The following ATP8A2 variants were observed in gnomAD, a reference collection of about 807,000 sequenced individuals.
ATP8A2 encodes the protein ATPase phospholipid transporting 8A2.
A neutral mutation model predicts 165.6 loss-of-function variants in ATP8A2; 100 were observed. The ratio of observed to expected loss-of-function variants is 0.60; its 90% CI spans 0.51 to 0.71. The LOEUF is 0.71. Ranked by LOEUF, ATP8A2 falls within the 30% of genes least tolerant of loss-of-function variation. The pLI, the probability that ATP8A2 is intolerant of heterozygous loss-of-function variation, is 0.00. For missense variants in ATP8A2, 1,227 were observed against 1,479.5 expected (o/e 0.83, Z 2.80); for synonymous variants, 543 against 548.8 (o/e 0.99, Z 0.15).
At chr13:25,634,970 A>T (rs888434475) in intron 24 of ATP8A2, among the ~76,000 whole-genome samples, 1 of 152,144 alleles carries the variant, frequency 6.6e-6, no homozygotes, top group African/African-American at 2.4e-5. Context: ...AAGCTGCAAA[A>T]TATCTCCTGA....
intron 13 of ATP8A2, among the ~76,000 whole-genome samples, chr13:25,555,530 C>G (rs192438509): frequency 2.8e-4 from 42 of 152,294 alleles, no homozygotes; most frequent in Admixed American, 5.9e-4. Context: ...CTGAACTCCT[C>G]TTGCCTTTAC....
At chr13:25,641,506 T>C (rs1401271847) in intron 24 of ATP8A2, among the ~76,000 whole-genome samples, 2 of 152,204 alleles carry the variant, frequency 1.3e-5, no homozygotes, top group African/African-American at 4.8e-5. Context: ...CCATTCACAA[T>C]TGCTTCAAAG....
At chr13:25,896,472 A>G (rs1953550737) in intron 33 of ATP8A2, among the ~76,000 whole-genome samples, 1 of 151,988 alleles carries the variant, frequency 6.6e-6, no homozygotes, top group Non-Finnish European at 1.5e-5. Flanking sequence ...CAATTTTGGA[A>G]TAAGTGTAAT....
chr13:25,863,487 G>C (rs1026175462), intron 33 of ATP8A2: 1 of 152,312 alleles, frequency 6.6e-6, no homozygotes, highest in Non-Finnish European at 1.5e-5. Context: ...CAGGATGCTT[G>C]TGCAGGGGCA....
chr13:25,536,851 G>C (rs2038301827), intron 6 of ATP8A2, among the ~76,000 whole-genome samples: 1 of 152,184 alleles, frequency 6.6e-6, no homozygotes, highest in African/African-American at 2.4e-5. Context: ...ATATGGACCT[G>C]TTTTATGCCA....
At chr13:25,454,722 G>C (rs1593330261) in intron 1 of ATP8A2, among the ~76,000 whole-genome samples, 2 of 152,168 alleles carry the variant, frequency 1.3e-5, no homozygotes, top group African/African-American at 4.8e-5. Flanking sequence ...ATGAGATCGA[G>C]ACCAGCCTGA....
intron 23 of ATP8A2, 95 bp downstream of exon 23, chr13:25,582,052 A>G: frequency 8.1e-7 from 1 of 1,236,810 alleles, no homozygotes; most frequent in African/African-American, 1.5e-5. Context: ...AAATTCATTG[A>G]CAGATGATGT....
intron 1 of ATP8A2, among the ~76,000 whole-genome samples, chr13:25,399,724 C>T (rs2033565407): frequency 1.3e-5 from 2 of 151,278 alleles, no homozygotes; most frequent in African/African-American, 4.9e-5. Flanking sequence ...TTTTCTTCTC[C>T]TTCCTCTTCC....
At chr13:25,423,092 G>A (rs867883203) in intron 1 of ATP8A2, among the ~76,000 whole-genome samples, 7 of 152,192 alleles carry the variant, frequency 4.6e-5, no homozygotes, top group Non-Finnish European at 8.8e-5. Flanking sequence ...CCCCACCGTG[G>A]CATCATGACG....
Position 25,972,314 on chromosome 13 carries a change from G to C in ATP8A2, c.3377+3635G>C, listed in dbSNP as rs1201624559. On this transcript the variant is annotated intron_variant, in intron 35 of 36. Coordinates refer to ENST00000381655, the MANE Select transcript of ATP8A2 (RefSeq NM_016529.6). ...ATGCTTCTGCACTTTCTCATTAGTA[G>C]ATCTTGTCTTCCAAAATCAACCTGT... Among the ~76,000 whole-genome samples the C allele has an allele frequency of 2.6e-5, 4 of 152,146 alleles. No homozygotes were observed. The East Asian group carries it at 7.7e-4, about 29-fold the overall frequency.
At chr13:25,527,032 T>C (rs1483544950) in intron 2 of ATP8A2, among the ~76,000 whole-genome samples, 1 of 152,098 alleles carries the variant, frequency 6.6e-6, no homozygotes, top group Non-Finnish European at 1.5e-5. Flanking sequence ...ACTTGGAGCT[T>C]TTTTACTTCT....
intron 35 of ATP8A2, 92 bp downstream of exon 35, chr13:25,968,771 T>C: frequency 9.6e-7 from 1 of 1,038,368 alleles, no homozygotes; most frequent in Non-Finnish European, 1.5e-6. Flanking sequence ...CATCTTGGTT[T>C]TCGATGGGAG....
intron 33 of ATP8A2, among the ~76,000 whole-genome samples, chr13:25,952,384 C>CT (rs11423629): frequency 0.64 from 94,569 of 147,288 alleles, 30,875 homozygotes; most frequent in East Asian, 0.85. Flanking sequence ...TCTTTTTCTT[C>CT]TTTTTTTTTT....
chr13:25,875,641 C>G (rs1397359076), intron 33 of ATP8A2, among the ~76,000 whole-genome samples: 2 of 150,230 alleles, frequency 1.3e-5, no homozygotes, highest in African/African-American at 5.1e-5. Context: ...GTCAGTACCA[C>G]AAACCATATA....
At chr13:25,373,022 G>A (rs1410904654) in intron 1 of ATP8A2, among the ~76,000 whole-genome samples, 1 of 152,158 alleles carries the variant, frequency 6.6e-6, no homozygotes, top group Non-Finnish European at 1.5e-5. Context: ...TTAGAGGCCC[G>A]CGTTCTATGA....
intron 35 of ATP8A2, among the ~76,000 whole-genome samples, chr13:26,011,180 C>T (rs779283841): frequency 6.6e-6 from 1 of 152,204 alleles, no homozygotes; most frequent in Non-Finnish European, 1.5e-5. Flanking sequence ...AATAAAGTGC[C>T]ATAGGCTGTG....
intron 24 of ATP8A2, among the ~76,000 whole-genome samples, chr13:25,635,264 G>T (rs1409494144): frequency 1.3e-5 from 2 of 152,160 alleles, no homozygotes; most frequent in Non-Finnish European, 2.9e-5. Context: ...GCTAAGATTG[G>T]GGAAGGTTAA....
At chr13:25,728,728 C>T (rs933351124) in intron 25 of ATP8A2, among the ~76,000 whole-genome samples, 1 of 152,120 alleles carries the variant, frequency 6.6e-6, no homozygotes, top group East Asian at 1.9e-4. Context: ...TGTCTGTGAA[C>T]AGAATTCACC....
intron 11 of ATP8A2, among the ~76,000 whole-genome samples, 175 bp from the exon 12 acceptor site, chr13:25,553,618 A>G (rs2038889306): frequency 6.6e-6 from 1 of 152,188 alleles, no homozygotes; most frequent in Non-Finnish European, 1.5e-5. Context: ...TAGCGGATGC[A>G]TCCTGCTGTG....
Sources: allele counts gnomAD v4.1 joint callset (sites outside exome capture counted in the v4.1 genomes callset), GRCh38; gene constraint gnomAD v4.1.1; transcripts MANE v1.5; gene names NCBI Gene and HGNC (gene_info 2026-07-23, HGNC 2026-07-21).